The following BIRC6 variants were observed in gnomAD, a reference collection of about 807,000 sequenced individuals.
BIRC6 encodes baculoviral IAP repeat containing 6.
Under a neutral mutation model 503.3 loss-of-function variants are expected in BIRC6, and 98 were observed. The observed-to-expected ratio is 0.19, with a 90% confidence interval of 0.17 to 0.23. The LOEUF (loss-of-function observed/expected upper bound fraction) is 0.23, where lower values mean the gene tolerates loss of function less well. Among genes scored for constraint, BIRC6 ranks in the 10% least tolerant of loss-of-function variants. The pLI is 1.00. For missense variants in BIRC6, 5,360 were observed against 5,806.0 expected (o/e 0.92, Z 2.50); for synonymous variants, 2,240 against 2,078.7 (o/e 1.08, Z -2.11).
intron 10 of BIRC6, among the ~76,000 whole-genome samples, chr2:32,417,331 A>C (rs976477255): frequency 5.3e-5 from 8 of 151,904 alleles, no homozygotes; most frequent in African/African-American, 1.9e-4. Context: ...TTTTGTAGAA[A>C]TGGGATTTCG....
chr2:32,386,447 T>G (rs1321807768), intron 3 of BIRC6, among the ~76,000 whole-genome samples: 1 of 151,464 alleles, frequency 6.6e-6, no homozygotes, highest in Non-Finnish European at 1.5e-5. Flanking sequence ...TCTCTCTCTT[T>G]TTTTTTTTTT....
intron 12 of BIRC6, 91 bp downstream of exon 12, chr2:32,431,181 C>CTTTGTTTTGTTTTTTTTTTTTTTTTT (rs2044060115): frequency 1.5e-5 from 1 of 65,364 alleles, no homozygotes; most frequent in Non-Finnish European, 2.8e-5. Context: ...TACTGTTTAT[C>CTTTGTTTTGTTTTTTTTTTTTTTTTT]TTTTTTTTTT....
chr2:32,536,112 A>C (rs1248394966), intron 61 of BIRC6, among the ~76,000 whole-genome samples: 2 of 152,158 alleles, frequency 1.3e-5, no homozygotes, highest in Non-Finnish European at 1.5e-5. Context: ...TTCTTTTGAG[A>C]AGCATTTGTT....
rs115278390 is a variant in BIRC6 at position 32,425,227 on chromosome 2, C to G, written c.2873-3919C>G. 2.2e-3 allele frequency among the ~76,000 whole-genome samples: 336 copies of G among 151,490 alleles called. 1 individual carries two copies. The highest frequency in any genetic ancestry group is 7.5e-3 in the African/African-American group (311 of 41,262). Reference sequence around the variant, plus strand: ...TGTCTTTTTACTTTCTTGGTAGTGTCCTTTGATGCACAAAACATTGGCATT... The same window carrying G: ...TGTCTTTTTACTTTCTTGGTAGTGTGCTTTGATGCACAAAACATTGGCATT... On this transcript the variant is annotated intron_variant, in intron 10 of 73. Transcript: ENST00000421745.
chr2:32,505,241 A>G, intron 50 of BIRC6, 36 bp downstream of exon 50: 1 of 1,466,948 alleles, frequency 6.8e-7, no homozygotes, highest in Non-Finnish European at 9.3e-7. Context: ...TCATGAGAAC[A>G]AGCTTTAATT....
At chr2:32,570,655 A>G (rs554837241) in intron 65 of BIRC6, among the ~76,000 whole-genome samples, 67 of 150,360 alleles carry the variant, frequency 4.5e-4, no homozygotes, top group African/African-American at 1.6e-3. Flanking sequence ...TTGCACCACA[A>G]CACCCGGCTA....
intron 3 of BIRC6, among the ~76,000 whole-genome samples, chr2:32,385,168 C>G (rs896353609): frequency 6.6e-6 from 1 of 152,188 alleles, no homozygotes; most frequent in African/African-American, 2.4e-5. Flanking sequence ...CCATCCACTT[C>G]GGGGTAGTAC....
At chr2:32,383,235 C>T (rs751784134) in intron 3 of BIRC6, among the ~76,000 whole-genome samples, 19 of 146,964 alleles carry the variant, frequency 1.3e-4, no homozygotes, top group Non-Finnish European at 2.2e-4. Flanking sequence ...TTAGTAGAGA[C>T]GGTTTCACCA....
chr2:32,358,049 T>TGGGGGTGGGGGG (rs1431474855), intron 1 of BIRC6, among the ~76,000 whole-genome samples: 1 of 6,808 alleles, frequency 1.5e-4, no homozygotes, highest in African/African-American at 5.6e-4. Context: ...GGGGTGGGGG[T>TGGGGGTGGGGGG]GGGGTGGGTC....
At chr2:32,431,785 T>C (rs565521681) in intron 12 of BIRC6, among the ~76,000 whole-genome samples, 40 of 152,340 alleles carry the variant, frequency 2.6e-4, no homozygotes, top group Admixed American at 9.8e-4. Flanking sequence ...TCACTAGTAA[T>C]GTGGGTCTCA....
At chr2:32,549,793 A>C (rs181001611) in intron 65 of BIRC6, among the ~76,000 whole-genome samples, 135 of 152,314 alleles carry the variant, frequency 8.9e-4, no homozygotes, top group Admixed American at 7.7e-3. Context: ...CATCATTCTG[A>C]TCTGAATATG....
chr2:32,508,260 G>C lies in BIRC6; in HGVS notation c.9980+1G>C. 1.2e-6 allele frequency: 1 copy of C among 841,684 alleles called. No homozygotes were observed. The highest frequency in any genetic ancestry group is 2.4e-5 in the African/African-American group (1 of 41,086). The allele number at this position is 841,684 out of a possible 1,614,324, so 52.1% of individuals were successfully genotyped here. ...CTGAAGATCAGGTATCCAAAACAAGGTATGTTTTGTTTGTCCTTTTTTTTT... is the reference window on the plus strand; with the variant it reads ...CTGAAGATCAGGTATCCAAAACAAGCTATGTTTTGTTTGTCCTTTTTTTTT... On this transcript the variant is annotated splice_donor_variant, in intron 51 of 73. Coordinates refer to ENST00000421745, the MANE Select transcript of BIRC6 (RefSeq NM_016252.4). LOFTEE classifies it high-confidence loss of function.
In BIRC6 at chr2:32,514,349, A is replaced by G. The variant is rs1052090831; in HGVS notation, c.10569-641A>G. On this transcript the variant is annotated intron_variant, in intron 54 of 73. Coordinates refer to ENST00000421745, the MANE Select transcript of BIRC6 (RefSeq NM_016252.4). ...CAAAAAAGAACAAAAATGTAAAGCTAGAAAATTTGAGACTTTTCTAGATTG... is the reference window on the plus strand; with the variant it reads ...CAAAAAAGAACAAAAATGTAAAGCTGGAAAATTTGAGACTTTTCTAGATTG... 4.6e-5 allele frequency among the ~76,000 whole-genome samples: 7 copies of G among 152,228 alleles called. No individual in the cohort carries two copies. In the East Asian group the frequency reaches 9.6e-4, roughly 21 times the overall value.
At chr2:32,499,224 A>G (rs987523703) in intron 45 of BIRC6, among the ~76,000 whole-genome samples, 4 of 152,244 alleles carry the variant, frequency 2.6e-5, no homozygotes, top group African/African-American at 4.8e-5. Flanking sequence ...TCATTTCATT[A>G]TAAGAAGTGC....
At chr2:32,505,232 C>G in intron 50 of BIRC6, 27 bp downstream of exon 50, 1 of 1,491,890 alleles carries the variant, frequency 6.7e-7, no homozygotes, top group Non-Finnish European at 9.1e-7. Flanking sequence ...AAAGAAGCAT[C>G]ATGAGAACAA....
chr2:32,491,439 G>T lies in BIRC6; in HGVS notation c.8221G>T (p.Ala2741Ser). 6.2e-7 allele frequency: 1 copy of T among 1,610,062 alleles called. No homozygotes were observed. Among genetic ancestry groups the T allele is most frequent in the Non-Finnish European group, 8.5e-7 (1 of 1,178,542 alleles). Reference sequence around the variant, plus strand: ...ATGTTTTATAGCTGGTTCCAGCAGTGCCATTGGAACTCAGGAGAGTACTGC... The same window carrying T: ...ATGTTTTATAGCTGGTTCCAGCAGTTCCATTGGAACTCAGGAGAGTACTGC... ...NMQLNSGSSS[A>S]IGTQESTAHL... The change falls in exon 44 of 74, where the codon GCC becomes TCC. Residue 2741 changes from alanine (A) to serine (S), a missense_variant. This residue lies in a region of BIRC6 where 2,299 missense variants were observed against 2,267.2 expected (regional missense o/e 1.01). Coordinates refer to ENST00000421745, the MANE Select transcript of BIRC6 (RefSeq NM_016252.4).
At chr2:32,399,195 C>T (rs899917804) in intron 6 of BIRC6, among the ~76,000 whole-genome samples, 12 of 151,998 alleles carry the variant, frequency 7.9e-5, no homozygotes, top group African/African-American at 9.7e-5. Flanking sequence ...AAGAGAGTCT[C>T]GTGCCTCAGT....
At chr2:32,487,588 C>T (rs1485048275) in intron 40 of BIRC6, 59 bp from the exon 41 acceptor site, 3 of 1,456,940 alleles carry the variant, frequency 2.1e-6, no homozygotes, top group Non-Finnish European at 2.9e-6. Flanking sequence ...ATATGAATAA[C>T]CAGTTAACAC....
chr2:32,518,771 A>G (rs752853433), intron 56 of BIRC6, 46 bp from the exon 57 acceptor site: 3 of 1,580,342 alleles, frequency 1.9e-6, no homozygotes, highest in South Asian at 2.2e-5. Flanking sequence ...AACAATATGT[A>G]TTCCAAAAAG....
Sources: allele counts gnomAD v4.1 joint callset (sites outside exome capture counted in the v4.1 genomes callset), GRCh38; gene constraint gnomAD v4.1.1; regional missense constraint gnomAD v4.1.1; transcripts MANE v1.5; gene names NCBI Gene and HGNC (gene_info 2026-07-23, HGNC 2026-07-21).